PCDH11X: variants seen among roughly 807,000 people sequenced by gnomAD.
PCDH11X encodes the protein protocadherin-11 X-linked.
Under a neutral mutation model 53.3 loss-of-function variants are expected in PCDH11X, and 18 were observed. The ratio of observed to expected loss-of-function variants is 0.34; its 90% CI spans 0.23 to 0.50. PCDH11X has a LOEUF of 0.50. PCDH11X is among the 20% of genes least tolerant of loss of function. The pLI, the probability that PCDH11X is intolerant of heterozygous loss-of-function variation, is 0.98. For missense variants in PCDH11X, 570 were observed against 1,032.4 expected, an observed-to-expected ratio of 0.55 and a Z score of 6.14; for synonymous variants, 279 against 393.3, an observed-to-expected ratio of 0.71 and a Z score of 3.44.
At chrX:92,334,446 A>G (rs969080092) in intron 8 of PCDH11X, among the ~76,000 whole-genome samples, 1 of 111,910 alleles carries the variant, frequency 8.9e-6, no homozygotes, top group African/African-American at 3.2e-5. Context: ...GATGCTAATC[A>G]TCTCCAAGTG....
intron 6 of PCDH11X, among the ~76,000 whole-genome samples, chrX:91,895,611 C>T (rs1295899981): frequency 9.1e-6 from 1 of 109,958 alleles, no homozygotes; most frequent in Non-Finnish European, 1.9e-5. Flanking sequence ...TCATCTCTGA[C>T]AGAAATATCA....
At chrX:92,196,810 A>G (rs917713539) in intron 6 of PCDH11X, among the ~76,000 whole-genome samples, 9 of 110,647 alleles carry the variant, frequency 8.1e-5, no homozygotes, top group African/African-American at 2.6e-4. Context: ...CTTCACTTAG[A>G]AAAGAGACAA....
intron 6 of PCDH11X, among the ~76,000 whole-genome samples, chrX:92,004,009 G>A (rs1413843829): frequency 9.3e-6 from 1 of 107,862 alleles, no homozygotes; most frequent in Non-Finnish European, 1.9e-5. Flanking sequence ...CTTTTTGGAT[G>A]TAGGCATTTA....
Position 91,962,838 on chromosome X carries a change from A to T in PCDH11X, c.3033+83565A>T, listed in dbSNP as rs1011010903. ...GCTTCTGTGCACCTGCAGGCCTAAC[A>T]TTATGTGTAAGCTGCCAACCCTTGG... is the stretch of plus-strand genomic sequence containing the variant. On this transcript the variant is annotated intron_variant, in intron 6 of 10. Transcript: ENST00000682573. Among the ~76,000 whole-genome samples the T allele has an allele frequency of 3.6e-5, 4 of 111,205 alleles. No homozygotes were observed. The Admixed American group carries it at 3.8e-4, about 11-fold the overall frequency.
intron 8 of PCDH11X, among the ~76,000 whole-genome samples, chrX:92,352,735 T>C (rs914400979): frequency 1.8e-4 from 20 of 111,449 alleles, no homozygotes; most frequent in African/African-American, 6.5e-4. Flanking sequence ...TGAGCTAAAC[T>C]GTAGTGATTG....
chrX:91,828,281 G>A (rs182761418), intron 4 of PCDH11X, among the ~76,000 whole-genome samples: 1,326 of 109,208 alleles, frequency 0.012, 40 homozygotes, highest in Admixed American at 0.11. Context: ...CACCACGCCC[G>A]GCTAATTTTT....
At chrX:91,817,888 G>A (rs1466452910) in intron 4 of PCDH11X, among the ~76,000 whole-genome samples, 1 of 111,374 alleles carries the variant, frequency 9.0e-6, no homozygotes, top group Non-Finnish European at 1.9e-5. Context: ...TTATTTTCCA[G>A]GGTTGACAGG....
At chrX:92,296,425 T>C (rs2068611094) in intron 8 of PCDH11X, among the ~76,000 whole-genome samples, 5 of 100,488 alleles carry the variant, frequency 5.0e-5, no homozygotes, top group African/African-American at 1.8e-4. Flanking sequence ...TAGGTACCGA[T>C]GGCTGTTGTC....
chrX:92,421,470 C>A (rs1194319592), intron 9 of PCDH11X, among the ~76,000 whole-genome samples: 1 of 111,712 alleles, frequency 9.0e-6, no homozygotes, highest in Non-Finnish European at 1.9e-5. Flanking sequence ...ACATAGTATT[C>A]CATTGTGTAT....
chrX:92,418,307 C>T (rs1197531155), intron 9 of PCDH11X, among the ~76,000 whole-genome samples: 2 of 110,717 alleles, frequency 1.8e-5, no homozygotes, highest in Non-Finnish European at 3.8e-5. Flanking sequence ...AAAATATAAA[C>T]GGCCAGGTAA....
intron 10 of PCDH11X, among the ~76,000 whole-genome samples, chrX:92,547,900 A>T (rs969531984): frequency 5.5e-5 from 6 of 109,387 alleles, no homozygotes; most frequent in African/African-American, 2.0e-4. Flanking sequence ...CTATATATAT[A>T]TACAAGAATT....
At chrX:92,407,420 T>C (rs1056653603) in intron 9 of PCDH11X, among the ~76,000 whole-genome samples, 4 of 108,258 alleles carry the variant, frequency 3.7e-5, no homozygotes, top group African/African-American at 1.3e-4. Context: ...AAGAGAGTTG[T>C]TGCTCAACAT....
intron 9 of PCDH11X, among the ~76,000 whole-genome samples, chrX:92,440,898 G>T (rs2072498378): frequency 9.0e-6 from 1 of 111,272 alleles, no homozygotes; most frequent in African/African-American, 3.3e-5. Context: ...GGAAAGTTTG[G>T]AACTCCCTAG....
chrX:91,988,211 CTG>C (rs1221518536), intron 6 of PCDH11X, among the ~76,000 whole-genome samples: 1 of 109,859 alleles, frequency 9.1e-6, no homozygotes, highest in Admixed American at 9.8e-5. Context: ...TTCTCCTATT[CTG>C]TCTCTCCTTT....
At chrX:92,482,738 G>T (rs1007384432) in intron 10 of PCDH11X, among the ~76,000 whole-genome samples, 249 of 107,577 alleles carry the variant, frequency 2.3e-3, no homozygotes, top group African/African-American at 7.9e-3. Context: ...ATAAATCTAT[G>T]GTTATAGTAT....
At chrX:91,890,423 GTCC>G (rs1269792402) in intron 6 of PCDH11X, among the ~76,000 whole-genome samples, 1 of 105,151 alleles carries the variant, frequency 9.5e-6, no homozygotes, top group African/African-American at 3.4e-5. Context: ...TTCTGTATAT[GTCC>G]TCATGTTTTT....
In PCDH11X at chrX:92,592,645, C is replaced by T. The variant is rs1316654954; in HGVS notation, c.3368-25619C>T. Among the ~76,000 whole-genome samples, 6 of 111,365 alleles carry T rather than the reference C, an allele frequency of 5.4e-5. No homozygotes were observed. The South Asian group carries it at 1.1e-3, about 21-fold the overall frequency. ...ATTGGGGAGGCTGAGGCAGGAGAAT[C>T]GCTTGAACCGGGGAAGCGGAGGTTG... On this transcript the variant is annotated intron_variant, in intron 10 of 10. Coordinates refer to ENST00000682573, the MANE Select transcript of PCDH11X (RefSeq NM_032968.5).
intron 6 of PCDH11X, among the ~76,000 whole-genome samples, chrX:92,015,473 C>T (rs2062775251): frequency 8.9e-6 from 1 of 112,590 alleles, no homozygotes; most frequent in African/African-American, 3.2e-5. Flanking sequence ...TCAGTCAATC[C>T]TTTTATGCCC....
intron 8 of PCDH11X, among the ~76,000 whole-genome samples, chrX:92,363,371 G>C (rs1254237689): frequency 9.1e-6 from 1 of 110,428 alleles, no homozygotes; most frequent in Non-Finnish European, 1.9e-5. Context: ...TCCCCTCTTT[G>C]GTTAGGTTTA....
Sources: gnomAD v4.1 joint callset for allele counts (sites outside exome capture counted in the v4.1 genomes callset) on GRCh38, gnomAD v4.1.1 for gene constraint, MANE v1.5 for transcripts, NCBI Gene and HGNC (gene_info 2026-07-23, HGNC 2026-07-21) for gene names.